The following NDUFA12 variants were observed in gnomAD, a reference collection of about 807,000 sequenced individuals.
NDUFA12 encodes NADH:ubiquinone oxidoreductase subunit A12.
Under a neutral mutation model 20.3 loss-of-function variants are expected in NDUFA12, and 17 were observed. The ratio of observed to expected loss-of-function variants is 0.84; its 90% CI spans 0.57 to 1.26. NDUFA12 has a LOEUF of 1.26. Among genes scored for constraint, NDUFA12 ranks in the 50% most tolerant of loss-of-function variants. The probability of loss-of-function intolerance (pLI) is 0.00; values close to 1 mark genes in which losing one functional copy is unlikely to be tolerated. For missense variants in NDUFA12, 191 were observed against 183.7 expected (o/e 1.04, Z -0.23); for synonymous variants, 72 against 63.6 (o/e 1.13, Z -0.63).
At chr12:94,994,075 G>T in intron 3 of NDUFA12, 95 bp downstream of exon 3, 1 of 1,096,460 alleles carries the variant, frequency 9.1e-7, no homozygotes, top group South Asian at 1.3e-5. Flanking sequence ...CATGAGTCAT[G>T]ATCATGTCAC....
intron 3 of NDUFA12, among the ~76,000 whole-genome samples, chr12:94,983,153 A>T (rs1344840509): frequency 1.3e-5 from 2 of 152,080 alleles, no homozygotes; most frequent in African/African-American, 4.8e-5. Flanking sequence ...AAAAATATTG[A>T]AGTCATCCTT....
At chr12:94,993,171 T>G (rs1565817962) in intron 3 of NDUFA12, among the ~76,000 whole-genome samples, 1 of 151,920 alleles carries the variant, frequency 6.6e-6, no homozygotes, top group Non-Finnish European at 1.5e-5. Flanking sequence ...CTGGGCAACA[T>G]AGCAAGATCC....
In NDUFA12 at chr12:94,971,553, T is replaced by A. The variant is rs775646505; in HGVS notation, c.325A>T (p.Ile109Phe). ...ACGTTGAATTTATGGTTCGTCCAAATGAATTTACGAGCAGTAAGTGGTTTT... is the reference window on the plus strand; with the variant it reads ...ACGTTGAATTTATGGTTCGTCCAAAAGAATTTACGAGCAGTAAGTGGTTTT... ...TTKPLTARKF[I>F]WTNHKFNVTG... Residue 109 changes from isoleucine (I) to phenylalanine (F), a missense_variant, in exon 4 of 4, where the codon ATT becomes TTT. Transcript: ENST00000327772. The A allele has an allele frequency of 4.3e-6, 7 of 1,614,088 alleles. No individual in the cohort carries two copies. In the Admixed American group the frequency reaches 1.2e-4, roughly 27 times the overall value.
At chr12:95,002,437 C>CAAAAAAAAAAAAAAA (rs71075895) in intron 2 of NDUFA12, among the ~76,000 whole-genome samples, 1 of 63,626 alleles carries the variant, frequency 1.6e-5, no homozygotes. Flanking sequence ...GACTCCATCT[C>CAAAAAAAAAAAAAAA]AAAAAAAAAA....
intron 2 of NDUFA12, among the ~76,000 whole-genome samples, chr12:94,998,814 C>G (rs893174792): frequency 6.6e-6 from 1 of 152,150 alleles, no homozygotes; most frequent in African/African-American, 2.4e-5. Flanking sequence ...CTAAAAAACA[C>G]TGCTGAAAGA....
At chr12:94,980,338 A>C (rs1874196033) in intron 3 of NDUFA12, among the ~76,000 whole-genome samples, 1 of 152,152 alleles carries the variant, frequency 6.6e-6, no homozygotes, top group Non-Finnish European at 1.5e-5. Flanking sequence ...TCCCAGCATT[A>C]TGGTACCAAC....
chr12:94,995,520 C>CTTTA (rs779716684), intron 2 of NDUFA12, among the ~76,000 whole-genome samples: 150 of 152,042 alleles, frequency 9.9e-4, no homozygotes, highest in South Asian at 1.5e-3. Context: ...AGAAATTCAA[C>CTTTA]TTTATTTATT....
chr12:94,984,034 G>A (rs535917470), intron 3 of NDUFA12, among the ~76,000 whole-genome samples: 1 of 152,190 alleles, frequency 6.6e-6, no homozygotes, highest in African/African-American at 2.4e-5. Flanking sequence ...ATAGGGTAAG[G>A]AGGAAGTCCA....
chr12:94,995,901 AT>A (rs199922662), intron 2 of NDUFA12, among the ~76,000 whole-genome samples: 56 of 148,152 alleles, frequency 3.8e-4, no homozygotes, highest in Admixed American at 4.0e-4. Context: ...AATGCTGTGC[AT>A]TTTTTTTTTT....
intron 2 of NDUFA12, 43 bp downstream of exon 2, chr12:95,002,696 C>T (rs1049481075): frequency 1.4e-6 from 2 of 1,415,938 alleles, no homozygotes; most frequent in Non-Finnish European, 2.0e-6. Flanking sequence ...AATCAAATCC[C>T]AATCCCAATC....
intron 2 of NDUFA12, among the ~76,000 whole-genome samples, chr12:94,995,473 G>A (rs145357795): frequency 4.6e-5 from 7 of 152,204 alleles, no homozygotes; most frequent in Non-Finnish European, 2.9e-5. Flanking sequence ...CTCTCTCTCT[G>A]TATTTCTTGA....
intron 3 of NDUFA12, among the ~76,000 whole-genome samples, chr12:94,978,271 A>G (rs1168482333): frequency 6.6e-6 from 1 of 152,228 alleles, no homozygotes; most frequent in East Asian, 1.9e-4. Context: ...GCACTGCAAG[A>G]ATGTTATCAA....
chr12:94,974,209 T>A (rs749826515), intron 3 of NDUFA12, among the ~76,000 whole-genome samples: 11 of 151,996 alleles, frequency 7.2e-5, no homozygotes, highest in Non-Finnish European at 1.6e-4. Context: ...TGGCCTCCAG[T>A]GATTTGCCCG....
intron 2 of NDUFA12, among the ~76,000 whole-genome samples, chr12:94,999,537 G>A (rs1367356068): frequency 6.6e-6 from 1 of 152,120 alleles, no homozygotes; most frequent in Non-Finnish European, 1.5e-5. Context: ...AGAGTAAACA[G>A]ACAACCCACA....
At chr12:94,977,385 T>C (rs901370942) in intron 3 of NDUFA12, among the ~76,000 whole-genome samples, 3 of 151,918 alleles carry the variant, frequency 2.0e-5, no homozygotes, top group Admixed American at 6.6e-5. Flanking sequence ...GGCAGAAGGA[T>C]AGCTTGAGCC....
rs1382873070 is a variant in NDUFA12 at position 95,003,580 on chromosome 12, G to T, written c.86+15C>A. 7 of 1,613,004 alleles carry T rather than the reference G, an allele frequency of 4.3e-6. No homozygotes were observed. The highest frequency in any genetic ancestry group is 5.9e-6 in the Non-Finnish European group (7 of 1,179,194). On this transcript the variant is annotated intron_variant, in intron 1 of 3. Coordinates refer to ENST00000327772, the MANE Select transcript of NDUFA12 (RefSeq NM_018838.5). ...TCCAGCCCCAGAGGCCAAGAGCATG[G>T]CTCTGGCCGCCTACCTGAAAAAAAC...
In NDUFA12 at chr12:94,972,431, T is replaced by C. The variant is rs61935717; in HGVS notation, c.258-811A>G. ...TAGGTGCTAGAGGCCGATTCTGGAT[T>C]TTCAGTATGCTCAGGTTACTCTGGC... On this transcript the variant is annotated intron_variant, in intron 3 of 3. Coordinates refer to ENST00000327772, the MANE Select transcript of NDUFA12 (RefSeq NM_018838.5). 2,465 of 451,544 alleles carry C rather than the reference T, an allele frequency of 5.5e-3. 17 individuals carry two copies. Among genetic ancestry groups the C allele is most frequent in the Non-Finnish European group, 8.5e-3 (1,903 of 223,950 alleles). 28.0% of individuals were successfully genotyped at this position (451,544 alleles called of 1,614,324 possible).
In NDUFA12 at chr12:94,985,815, T is replaced by G. The variant is rs981471355; in HGVS notation, c.257+8355A>C. On this transcript the variant is annotated intron_variant, in intron 3 of 3. Transcript: ENST00000327772. ...AAAAATAAAAATAGGCCAGGCACAGTGGCTCACACCTGTAATCCCAGCACT... is the reference window on the plus strand; with the variant it reads ...AAAAATAAAAATAGGCCAGGCACAGGGGCTCACACCTGTAATCCCAGCACT... 2.6e-5 allele frequency among the ~76,000 whole-genome samples: 4 copies of G among 152,122 alleles called. 1 individual carries two copies. In the Middle Eastern group the frequency reaches 0.014, roughly 517 times the overall value.
intron 3 of NDUFA12, 55 bp downstream of exon 3, chr12:94,994,115 C>G: frequency 6.6e-7 from 1 of 1,514,112 alleles, no homozygotes; most frequent in Non-Finnish European, 9.1e-7. Context: ...CAGAGTGAGA[C>G]CCTGTCTCAA....
Sources: allele counts gnomAD v4.1 joint callset (sites outside exome capture counted in the v4.1 genomes callset), GRCh38; gene constraint gnomAD v4.1.1; transcripts MANE v1.5; gene names NCBI Gene and HGNC (gene_info 2026-07-23, HGNC 2026-07-21).